The following XPA variants were observed in gnomAD, a reference collection of about 807,000 sequenced individuals.
The protein encoded by XPA is DNA repair protein complementing XP-A cells.
In XPA, 27 loss-of-function variants were observed where a neutral mutation model predicts 35.7. The ratio of observed to expected loss-of-function variants is 0.76; its 90% CI spans 0.56 to 1.04. XPA has a LOEUF of 1.04. Among genes scored for constraint, XPA ranks in the 50% least tolerant of loss-of-function variants. The pLI, the probability that XPA is intolerant of heterozygous loss-of-function variation, is 0.00. For synonymous variants in XPA, 133 were observed against 118.4 expected, an observed-to-expected ratio of 1.12 and a Z score of -0.80; for missense variants, 354 against 342.7, an observed-to-expected ratio of 1.03 and a Z score of -0.26.
Position 97,675,374 on chromosome 9 carries a change from G to C in XPA, c.*65C>G, listed in dbSNP as rs1334344248. 2.0e-6 allele frequency: 3 copies of C among 1,489,822 alleles called. No individual in the cohort carries two copies. The Admixed American group carries it at 6.5e-5, about 32-fold the overall frequency. 92.3% of individuals were successfully genotyped at this position (1,489,822 alleles called of 1,614,324 possible). ...TGCTTTTTTTTTTGAATTTTGAAAAGGACCAATCTAAATTTCCTTTATTTA... is the reference window on the plus strand; with the variant it reads ...TGCTTTTTTTTTTGAATTTTGAAAACGACCAATCTAAATTTCCTTTATTTA... On this transcript the variant is annotated 3_prime_UTR_variant, in exon 6 of 6. Transcript: ENST00000375128.
At chr9:97,671,857 C>T (rs908458262), downstream of XPA, 1 of 152,134 alleles carries the variant, frequency 6.6e-6, no homozygotes, top group African/African-American at 2.4e-5. Context: ...TTTAAACCAC[C>T]GTCTGGGGGT....
At chr9:97,659,652 C>T in the XPA span, among the ~76,000 whole-genome samples, 1 of 152,148 alleles carries the variant, frequency 6.6e-6, no homozygotes, top group Non-Finnish European at 1.5e-5. Context: ...TGCTGTTAGC[C>T]ACTGTGCTTT....
chr9:97,689,664 G>T, intron 2 of XPA, 25 bp from the exon 3 acceptor site: 1 of 1,431,948 alleles, frequency 7.0e-7, no homozygotes, highest in Non-Finnish European at 9.8e-7. Context: ...ATGAACTCTA[G>T]TTTCCTTTTT....
chr9:97,674,143 C>CCCCCCG (rs532362929), downstream of XPA, among the ~76,000 whole-genome samples: 6 of 151,814 alleles, frequency 4.0e-5, no homozygotes, highest in East Asian at 1.2e-3. Context: ...CTTCCCCGCC[C>CCCCCCG]CCATAATGCT....
At chr9:97,662,987 T>C in the XPA span, 1 of 1,613,212 alleles carries the variant, frequency 6.2e-7, no homozygotes, top group South Asian at 1.1e-5. Context: ...TAGCTGAAAG[T>C]GATGAAGGAA....
chr9:97,685,143 A>G (rs1828675832), intron 4 of XPA, 103 bp from the exon 5 acceptor site: 3 of 840,396 alleles, frequency 3.6e-6, no homozygotes, highest in Non-Finnish European at 5.6e-6. Context: ...ATCTAACTCA[A>G]GTATAAATTT....
At chr9:97,662,854 T>C in the XPA span, 1 of 830,014 alleles carries the variant, frequency 1.2e-6, no homozygotes, top group Non-Finnish European at 1.9e-6. Context: ...TGCATTTATA[T>C]ATTGCATTAT....
intron 5 of XPA, among the ~76,000 whole-genome samples, chr9:97,677,247 C>A (rs1208706860): frequency 6.6e-6 from 1 of 152,156 alleles, no homozygotes; most frequent in Non-Finnish European, 1.5e-5. Context: ...GTCTGTCTAG[C>A]CATAATTGAA....
At chr9:97,667,146 G>A in the XPA span, among the ~76,000 whole-genome samples, 232 of 152,228 alleles carry the variant, frequency 1.5e-3, 1 homozygote, top group African/African-American at 5.4e-3. Context: ...TCGGCCTCAC[G>A]TTTGCACAAG....
intron 5 of XPA, among the ~76,000 whole-genome samples, chr9:97,677,401 C>T (rs3176739): frequency 0.014 from 2,061 of 152,090 alleles, 102 homozygotes; most frequent in East Asian, 0.12. Flanking sequence ...AGAAAGTATT[C>T]GGGGCCAGGT....
intron 2 of XPA, among the ~76,000 whole-genome samples, chr9:97,690,763 T>C (rs917136545): frequency 1.3e-5 from 2 of 152,236 alleles, no homozygotes; most frequent in Non-Finnish European, 2.9e-5. Flanking sequence ...CCGCAGGTGA[T>C]CCACCTGCCT....
chr9:97,658,497 C>T, the XPA span: 4 of 661,884 alleles, frequency 6.0e-6, no homozygotes, highest in East Asian at 5.5e-5. Context: ...GACAAAAACT[C>T]AAAGGATTTT....
intron 5 of XPA, among the ~76,000 whole-genome samples, chr9:97,683,984 T>C (rs1828627338): frequency 6.6e-6 from 1 of 152,222 alleles, no homozygotes; most frequent in African/African-American, 2.4e-5. Context: ...GTGTTATCTC[T>C]ACACACTGTA....
intron 5 of XPA, among the ~76,000 whole-genome samples, chr9:97,678,577 G>A (rs1828442511): frequency 6.6e-6 from 1 of 152,198 alleles, no homozygotes; most frequent in South Asian, 2.1e-4. Context: ...ATGGGGCAAA[G>A]GATGCTGCAG....
the XPA span, among the ~76,000 whole-genome samples, chr9:97,666,362 A>G: frequency 6.6e-6 from 1 of 152,244 alleles, no homozygotes; most frequent in South Asian, 2.1e-4. Context: ...AGCATGGGAA[A>G]TAAGTCTCAG....
chr9:97,688,786 G>A (rs1828795264), intron 3 of XPA, among the ~76,000 whole-genome samples: 1 of 151,920 alleles, frequency 6.6e-6, no homozygotes, highest in Non-Finnish European at 1.5e-5. Flanking sequence ...AATCATGATG[G>A]CTCCCAATGT....
intron 1 of XPA, 73 bp downstream of exon 1, chr9:97,697,048 C>A (rs193220122): frequency 4.5e-5 from 66 of 1,458,282 alleles, no homozygotes; most frequent in Middle Eastern, 2.5e-4. Flanking sequence ...CCCCGGGACT[C>A]GGCTTGCACG....
At position 97,685,101 on chromosome 9, in the gene XPA, A is replaced by C. The variant is rs878938880; in HGVS notation, c.556-61T>G. 50 of 1,384,402 alleles carry C rather than the reference A, an allele frequency of 3.6e-5. No homozygotes were observed. The South Asian group carries it at 5.8e-4, about 16-fold the overall frequency. The allele number at this position is 1,384,402 out of a possible 1,614,324, so 85.8% of individuals were successfully genotyped here. A position where few individuals can be genotyped will look rare whatever the true frequency, so the allele number is the denominator to read the frequency against. ...TTCAGACTTGCGAAATATTATAGTT[A>C]TAACTGTCAAATCCAAAGGTACCAA... On this transcript the variant is annotated intron_variant, in intron 4 of 5. Coordinates refer to ENST00000375128, the MANE Select transcript of XPA (RefSeq NM_000380.4).
chr9:97,667,246 C>T, the XPA span, among the ~76,000 whole-genome samples: 2 of 152,090 alleles, frequency 1.3e-5, no homozygotes, highest in African/African-American at 2.4e-5. Flanking sequence ...ACACTTTCCC[C>T]GTACTGTGAG....
Sources: gnomAD v4.1 joint callset for allele counts (sites outside exome capture counted in the v4.1 genomes callset) on GRCh38, gnomAD v4.1.1 for gene constraint, MANE v1.5 for transcripts, NCBI Gene and HGNC (gene_info 2026-07-23, HGNC 2026-07-21) for gene names.